SPMIP7: variants seen among roughly 807,000 people sequenced by gnomAD.
SPMIP7 encodes the protein sperm microtubule inner protein 7, also known as protein SPMIP7.
the SPMIP7 span, among the ~76,000 whole-genome samples, chr7:50,133,125 T>C: frequency 6.6e-6 from 1 of 152,152 alleles, no homozygotes; most frequent in South Asian, 2.1e-4. Flanking sequence ...GAGGGTTGTA[T>C]GGTTTTCACT....
chr7:50,138,784 T>C, the SPMIP7 span, among the ~76,000 whole-genome samples: 2 of 151,146 alleles, frequency 1.3e-5, no homozygotes, highest in South Asian at 4.2e-4. Flanking sequence ...TTTTGGTAAT[T>C]GGTAGAAAAA....
chr7:50,146,549 T>G, the SPMIP7 span, among the ~76,000 whole-genome samples: 14 of 152,248 alleles, frequency 9.2e-5, no homozygotes, highest in Non-Finnish European at 1.8e-4. Context: ...CACGACATCT[T>G]ATGATATTCA....
chr7:50,119,234 G>C, the SPMIP7 span, among the ~76,000 whole-genome samples: 1 of 151,388 alleles, frequency 6.6e-6, no homozygotes, highest in Non-Finnish European at 1.5e-5. Context: ...AAGCTCAAAA[G>C]GGCCCCTCCA....
the SPMIP7 span, among the ~76,000 whole-genome samples, chr7:50,145,439 C>A: frequency 6.7e-6 from 1 of 149,920 alleles, no homozygotes; most frequent in Non-Finnish European, 1.5e-5. Flanking sequence ...GTCATCAGTA[C>A]AAGGAACATA....
At chr7:50,118,915 T>C in the SPMIP7 span, among the ~76,000 whole-genome samples, 1,125 of 152,316 alleles carry the variant, frequency 7.4e-3, 19 homozygotes, top group African/African-American at 0.026. Flanking sequence ...GGAAGGCATA[T>C]GCCCTTAATA....
chr7:50,125,091 TA>T, the SPMIP7 span, among the ~76,000 whole-genome samples: 1 of 111,418 alleles, frequency 9.0e-6, no homozygotes, highest in African/African-American at 3.4e-5. Flanking sequence ...AGAGTGAGAT[TA>T]AGTATATATA....
the SPMIP7 span, among the ~76,000 whole-genome samples, chr7:50,144,587 C>G: frequency 6.6e-6 from 1 of 152,130 alleles, no homozygotes; most frequent in Non-Finnish European, 1.5e-5. Flanking sequence ...TCCATGCATT[C>G]TTTTGGAACA....
At chr7:50,127,564 T>C in the SPMIP7 span, among the ~76,000 whole-genome samples, 7 of 150,756 alleles carry the variant, frequency 4.6e-5, no homozygotes, top group African/African-American at 1.7e-4. Context: ...TGTATATATA[T>C]GTATGTCTTA....
chr7:50,125,337 TACATATATATACAC>T, the SPMIP7 span, among the ~76,000 whole-genome samples: 4 of 146,328 alleles, frequency 2.7e-5, no homozygotes, highest in African/African-American at 5.0e-5. Flanking sequence ...CACATATATA[TACATATATATACAC>T]ACATATATAT....
the SPMIP7 span, among the ~76,000 whole-genome samples, chr7:50,136,803 A>G: frequency 5.8e-3 from 887 of 152,056 alleles, 30 homozygotes; most frequent in South Asian, 0.09. Flanking sequence ...TTGTCTGTTC[A>G]TTTTTGCTCG....
chr7:50,117,815 G>GTAA, the SPMIP7 span, among the ~76,000 whole-genome samples: 1 of 152,166 alleles, frequency 6.6e-6, no homozygotes, highest in Non-Finnish European at 1.5e-5. Context: ...AGACATGTCA[G>GTAA]TAAATATTTA....
the SPMIP7 span, among the ~76,000 whole-genome samples, chr7:50,099,010 T>TA: frequency 6.6e-6 from 1 of 152,234 alleles, no homozygotes; most frequent in African/African-American, 2.4e-5. Flanking sequence ...CCAGGGGTTA[T>TA]GAACTCCTGG....
the SPMIP7 span, among the ~76,000 whole-genome samples, chr7:50,108,183 A>G: frequency 6.6e-6 from 1 of 152,194 alleles, no homozygotes; most frequent in Non-Finnish European, 1.5e-5. Flanking sequence ...AAGAATAGTA[A>G]AGATATCAAA....
At chr7:50,117,925 C>T in the SPMIP7 span, among the ~76,000 whole-genome samples, 2 of 152,314 alleles carry the variant, frequency 1.3e-5, no homozygotes, top group Admixed American at 1.3e-4. Flanking sequence ...AGCAAATGCA[C>T]TCCTTTCTGC....
chr7:50,104,815 C>T, the SPMIP7 span, among the ~76,000 whole-genome samples: 88 of 152,246 alleles, frequency 5.8e-4, no homozygotes, highest in East Asian at 1.5e-3. Flanking sequence ...CTTAGAGCAA[C>T]GGATTAATGC....
the SPMIP7 span, among the ~76,000 whole-genome samples, chr7:50,104,941 A>C: frequency 6.6e-6 from 1 of 152,148 alleles, no homozygotes; most frequent in African/African-American, 2.4e-5. Flanking sequence ...TCCTCTCTGA[A>C]TCCCTGCTCC....
chr7:50,114,573 A>T, the SPMIP7 span, among the ~76,000 whole-genome samples: 91 of 152,136 alleles, frequency 6.0e-4, 4 homozygotes, highest in Non-Finnish European at 1.6e-4. Context: ...GAAATTTTAA[A>T]ATTAAAAAAA....
At chr7:50,127,633 A>G in the SPMIP7 span, among the ~76,000 whole-genome samples, 1 of 149,272 alleles carries the variant, frequency 6.7e-6, no homozygotes, top group Non-Finnish European at 1.5e-5. Flanking sequence ...ATATATATAT[A>G]TACTGATTAA....
the SPMIP7 span, chr7:50,129,659 A>G: frequency 4.3e-6 from 5 of 1,172,088 alleles, no homozygotes; most frequent in Non-Finnish European, 6.1e-6. Context: ...TGACTAGAAA[A>G]CAATAACAAT....
Sources: gnomAD v4.1 joint callset for allele counts (sites outside exome capture counted in the v4.1 genomes callset) on GRCh38, gnomAD v4.1.1 for gene constraint, MANE v1.5 for transcripts, NCBI Gene and HGNC (gene_info 2026-07-23, HGNC 2026-07-21) for gene names.